The following KCNK2 variants were observed in gnomAD, a reference collection of about 807,000 sequenced individuals.
The protein encoded by KCNK2 is potassium two pore domain channel subfamily K member 2.
KCNK2 carries 21 observed loss-of-function variants against 40.5 expected under a neutral mutation model. That is an observed-to-expected ratio of 0.52 (90% CI 0.37 to 0.75). The LOEUF is 0.75. KCNK2 is among the 30% of genes least tolerant of loss of function. The probability of loss-of-function intolerance (pLI) is 0.00; values close to 1 mark genes in which losing one functional copy is unlikely to be tolerated. For synonymous variants in KCNK2, 191 were observed against 202.2 expected, an observed-to-expected ratio of 0.94 and a Z score of 0.47; for missense variants, 399 against 531.6, an observed-to-expected ratio of 0.75 and a Z score of 2.45.
intron 1 of KCNK2, among the ~76,000 whole-genome samples, chr1:215,036,177 G>A (rs1423103970): frequency 1.4e-5 from 2 of 147,976 alleles, no homozygotes; most frequent in Non-Finnish European, 3.0e-5. Flanking sequence ...CTTTTACTTT[G>A]AGGTCTGTAA....
At chr1:215,100,225 T>C (rs965447417) in intron 2 of KCNK2, among the ~76,000 whole-genome samples, 4 of 151,906 alleles carry the variant, frequency 2.6e-5, no homozygotes, top group African/African-American at 9.7e-5. Flanking sequence ...TCTATGGTGT[T>C]GTGTGTGTTC....
At chr1:215,129,434 T>C (rs753591465) in intron 3 of KCNK2, among the ~76,000 whole-genome samples, 2 of 152,098 alleles carry the variant, frequency 1.3e-5, no homozygotes, top group Non-Finnish European at 2.9e-5. Context: ...ATGATTGCAA[T>C]AAATGTAGCA....
At chr1:215,052,894 T>C (rs1259113916) in intron 1 of KCNK2, among the ~76,000 whole-genome samples, 1 of 152,172 alleles carries the variant, frequency 6.6e-6, no homozygotes, top group Non-Finnish European at 1.5e-5. Flanking sequence ...TGGATATTTC[T>C]CTTGAGTTTT....
intron 6 of KCNK2, among the ~76,000 whole-genome samples, chr1:215,198,421 A>T (rs903321498): frequency 2.6e-5 from 4 of 152,240 alleles, no homozygotes; most frequent in African/African-American, 9.6e-5. Context: ...GTGAAGAAAG[A>T]CAGGGAAAGG....
At chr1:215,048,871 G>A (rs1288835740) in intron 1 of KCNK2, among the ~76,000 whole-genome samples, 2 of 152,136 alleles carry the variant, frequency 1.3e-5, no homozygotes, top group Non-Finnish European at 2.9e-5. Context: ...GTGGTATCCC[G>A]TGGCATGATG....
At chr1:215,077,487 A>T (rs1286406901) in intron 1 of KCNK2, among the ~76,000 whole-genome samples, 2 of 152,162 alleles carry the variant, frequency 1.3e-5, no homozygotes, top group Non-Finnish European at 1.5e-5. Flanking sequence ...TCACTTATCT[A>T]CATGCTTACA....
intron 6 of KCNK2, among the ~76,000 whole-genome samples, chr1:215,201,401 A>G (rs995028220): frequency 4.6e-5 from 7 of 152,174 alleles, no homozygotes; most frequent in African/African-American, 1.7e-4. Context: ...CATGGGTGCA[A>G]TACAGTAGCT....
At chr1:215,220,960 T>C (rs1013625640) in intron 6 of KCNK2, among the ~76,000 whole-genome samples, 10 of 152,200 alleles carry the variant, frequency 6.6e-5, no homozygotes, top group African/African-American at 2.2e-4. Context: ...GTGGTACTTG[T>C]AGAGTTTCCA....
intron 2 of KCNK2, among the ~76,000 whole-genome samples, chr1:215,122,879 G>C (rs1240475493): frequency 6.6e-6 from 1 of 151,422 alleles, no homozygotes; most frequent in Non-Finnish European, 1.5e-5. Flanking sequence ...CGAGTAGCTG[G>C]GACTACAGGC....
At chr1:215,101,909 A>C (rs1660237254) in intron 2 of KCNK2, among the ~76,000 whole-genome samples, 1 of 152,008 alleles carries the variant, frequency 6.6e-6, no homozygotes, top group African/African-American at 2.4e-5. Context: ...GACAATAAAC[A>C]ACTGTGTTAC....
chr1:215,121,348 C>G (rs1420744638), intron 2 of KCNK2, among the ~76,000 whole-genome samples: 1 of 152,150 alleles, frequency 6.6e-6, no homozygotes, highest in African/African-American at 2.4e-5. Context: ...AGAGCATGAT[C>G]ACAGCTCAGT....
chr1:215,191,509 C>G (rs796609985), intron 5 of KCNK2, among the ~76,000 whole-genome samples: 5 of 152,072 alleles, frequency 3.3e-5, no homozygotes, highest in African/African-American at 1.2e-4. Flanking sequence ...GTAGTTTAAT[C>G]TACTAGATTG....
intron 2 of KCNK2, among the ~76,000 whole-genome samples, chr1:215,087,711 T>C (rs371441403): frequency 1.3e-5 from 2 of 152,342 alleles, no homozygotes; most frequent in East Asian, 3.9e-4. Flanking sequence ...ATTTCATATT[T>C]GGTTTTACAT....
chr1:215,052,582 A>T (rs994041823), intron 1 of KCNK2, among the ~76,000 whole-genome samples: 3 of 152,178 alleles, frequency 2.0e-5, no homozygotes, highest in Admixed American at 2.0e-4. Context: ...TTTGGTGATA[A>T]CTGTGGAGGT....
intron 2 of KCNK2, among the ~76,000 whole-genome samples, chr1:215,113,895 A>G (rs1660810652): frequency 6.6e-6 from 1 of 152,146 alleles, no homozygotes; most frequent in South Asian, 2.1e-4. Flanking sequence ...CAACAGATGT[A>G]CAGCCCCAAC....
At chr1:215,218,406 C>T (rs1026080207) in intron 6 of KCNK2, among the ~76,000 whole-genome samples, 3 of 152,122 alleles carry the variant, frequency 2.0e-5, no homozygotes, top group Non-Finnish European at 2.9e-5. Flanking sequence ...ACATGGAATC[C>T]TAGTATCGCT....
intron 2 of KCNK2, among the ~76,000 whole-genome samples, chr1:215,099,760 T>C (rs1558090853): frequency 6.6e-6 from 1 of 151,980 alleles, no homozygotes; most frequent in Non-Finnish European, 1.5e-5. Context: ...GGTCTCAACA[T>C]GGTTTCTTGG....
At chr1:215,232,903 A>G (rs1439959339) in intron 6 of KCNK2, among the ~76,000 whole-genome samples, 1 of 152,176 alleles carries the variant, frequency 6.6e-6, no homozygotes, top group Non-Finnish European at 1.5e-5. Flanking sequence ...TTAGGTAAAA[A>G]ATAGAAAAAT....
chr1:215,149,377 A>G (rs891656513), intron 3 of KCNK2, among the ~76,000 whole-genome samples: 1 of 152,164 alleles, frequency 6.6e-6, no homozygotes, highest in African/African-American at 2.4e-5. Context: ...GGAAAAGATT[A>G]AGGTATTCCC....
Sources: allele counts gnomAD v4.1 joint callset (sites outside exome capture counted in the v4.1 genomes callset), GRCh38; gene constraint gnomAD v4.1.1; transcripts MANE v1.5; gene names NCBI Gene and HGNC (gene_info 2026-07-23, HGNC 2026-07-21).